EYS: variants seen among roughly 807,000 people sequenced by gnomAD.
EYS encodes protein eyes shut homolog.
Under a neutral mutation model 282.1 loss-of-function variants are expected in EYS, and 250 were observed. That is an observed-to-expected ratio of 0.89 (90% CI 0.80 to 0.98). The LOEUF (loss-of-function observed/expected upper bound fraction) is 0.98, where lower values mean the gene tolerates loss of function less well. Ranked by LOEUF, EYS falls within the 50% of genes least tolerant of loss-of-function variation. The probability of loss-of-function intolerance (pLI) is 0.00; values close to 1 mark genes in which losing one functional copy is unlikely to be tolerated. For synonymous variants in EYS, 1,355 were observed against 1,282.9 expected, an observed-to-expected ratio of 1.06 and a Z score of -1.20; for missense variants, 4,016 against 3,709.0, an observed-to-expected ratio of 1.08 and a Z score of -2.15.
intron 22 of EYS, among the ~76,000 whole-genome samples, chr6:64,728,172 C>A (rs1349937281): frequency 6.6e-6 from 1 of 152,048 alleles, no homozygotes; most frequent in African/African-American, 2.4e-5. Context: ...TTTGTGCGGA[C>A]CCTGTGGCAG....
At chr6:64,555,795 A>G (rs1307761421) in intron 26 of EYS, among the ~76,000 whole-genome samples, 1 of 151,970 alleles carries the variant, frequency 6.6e-6, no homozygotes. Flanking sequence ...TCACATGTAT[A>G]TTGAAAATAT....
At chr6:65,034,130 CT>C (rs1228406504) in intron 13 of EYS, among the ~76,000 whole-genome samples, 2 of 152,168 alleles carry the variant, frequency 1.3e-5, no homozygotes, top group Admixed American at 6.6e-5. Context: ...TGGCTAATTT[CT>C]CCCCTTTGGA....
chr6:63,837,346 A>G (rs1771835831), intron 36 of EYS, among the ~76,000 whole-genome samples: 2 of 151,958 alleles, frequency 1.3e-5, no homozygotes, highest in Non-Finnish European at 2.9e-5. Context: ...TTCTTGCTGC[A>G]TGGATAAAAT....
At chr6:63,868,233 T>C (rs1295613158) in intron 35 of EYS, among the ~76,000 whole-genome samples, 2 of 152,150 alleles carry the variant, frequency 1.3e-5, no homozygotes, top group African/African-American at 4.8e-5. Flanking sequence ...TATTTTGGAA[T>C]TGTAACTGCT....
chr6:65,410,052 A>T (rs1056247323), intron 5 of EYS, among the ~76,000 whole-genome samples: 12 of 152,038 alleles, frequency 7.9e-5, no homozygotes, highest in Non-Finnish European at 1.6e-4. Flanking sequence ...CTTTTAAATA[A>T]TCAAATATTG....
chr6:65,139,360 C>T (rs1764262929), intron 12 of EYS, among the ~76,000 whole-genome samples: 2 of 152,012 alleles, frequency 1.3e-5, no homozygotes, highest in African/African-American at 4.8e-5. Context: ...TCTGTTATTG[C>T]TTGTAAGTGG....
chr6:65,397,311 C>T (rs1766315527), intron 7 of EYS, among the ~76,000 whole-genome samples: 1 of 151,448 alleles, frequency 6.6e-6, no homozygotes, highest in Non-Finnish European at 1.5e-5. Context: ...TTTAGTGTAC[C>T]CATAACCCGA....
At position 64,981,656 on chromosome 6, in the gene EYS, A is replaced by C. The variant is rs141771663; in HGVS notation, c.2259+15926T>G. Among the ~76,000 whole-genome samples, 3 of 151,490 alleles carry C rather than the reference A, an allele frequency of 2.0e-5. No homozygotes were observed. The East Asian group carries it at 5.8e-4, about 30-fold the overall frequency. On this transcript the variant is annotated intron_variant, in intron 14 of 42. Transcript: ENST00000503581. Reference sequence around the variant, plus strand: ...GGTTGAGCCATAATTTGCATACGGGAGTCTGGTTTCAGATCCAACATCTTA... The same window carrying C: ...GGTTGAGCCATAATTTGCATACGGGCGTCTGGTTTCAGATCCAACATCTTA...
At chr6:65,542,488 T>C (rs914547221) in intron 2 of EYS, among the ~76,000 whole-genome samples, 2 of 151,698 alleles carry the variant, frequency 1.3e-5, no homozygotes, top group Non-Finnish European at 2.9e-5. Context: ...TGTGTGTGTG[T>C]GTGTGTGTGT....
chr6:63,736,662 A>C (rs1344232133), intron 41 of EYS, among the ~76,000 whole-genome samples: 1 of 152,126 alleles, frequency 6.6e-6, no homozygotes, highest in Non-Finnish European at 1.5e-5. Context: ...CATTGAATCT[A>C]TAAATTACCT....
intron 35 of EYS, among the ~76,000 whole-genome samples, chr6:63,962,526 C>T (rs1386658871): frequency 1.3e-5 from 2 of 152,134 alleles, no homozygotes; most frequent in East Asian, 1.9e-4. Flanking sequence ...TCATCACTGG[C>T]CATCGGAGAA....
chr6:65,370,188 C>T lies in EYS; in HGVS notation c.1299+14198G>A, dbSNP rs543867805. 2.7e-5 allele frequency among the ~76,000 whole-genome samples: 4 copies of T among 149,804 alleles called. No homozygotes were observed. The East Asian group carries it at 5.9e-4, about 22-fold the overall frequency. On this transcript the variant is annotated intron_variant, in intron 8 of 42. Coordinates refer to ENST00000503581, the MANE Select transcript of EYS (RefSeq NM_001142800.2). ...ATAACATACTTAGCTTACGCAATGC[C>T]TCTTCTTTCTTTCTTTCCCTCCCTC...
intron 35 of EYS, among the ~76,000 whole-genome samples, chr6:63,910,503 CATGTCTGCCAA>C (rs1773887009): frequency 6.6e-6 from 1 of 152,182 alleles, no homozygotes; most frequent in African/African-American, 2.4e-5. Flanking sequence ...TATAAGCAAA[CATGTCTGCCAA>C]ATGGCCCCTA....
intron 22 of EYS, among the ~76,000 whole-genome samples, chr6:64,718,737 C>T (rs1771477602): frequency 6.6e-6 from 1 of 152,200 alleles, no homozygotes; most frequent in Admixed American, 6.5e-5. Context: ...TAGAATCAAT[C>T]TCAGAGCTGT....
intron 1 of EYS, among the ~76,000 whole-genome samples, chr6:65,651,839 T>C (rs1767659813): frequency 6.6e-6 from 1 of 152,092 alleles, no homozygotes; most frequent in South Asian, 2.1e-4. Flanking sequence ...TTCAGTGCTA[T>C]ATTAGCAGTC....
intron 12 of EYS, among the ~76,000 whole-genome samples, chr6:65,236,839 T>C (rs1228663407): frequency 1.3e-5 from 2 of 152,188 alleles, no homozygotes; most frequent in African/African-American, 4.8e-5. Flanking sequence ...TTTTCATCTT[T>C]GCCTGATGCA....
At chr6:64,371,749 C>T (rs911265826) in intron 29 of EYS, among the ~76,000 whole-genome samples, 2 of 152,058 alleles carry the variant, frequency 1.3e-5, no homozygotes, top group Non-Finnish European at 2.9e-5. Flanking sequence ...TGAATTAGAC[C>T]TTTACCATTA....
chr6:65,112,101 C>T lies in EYS; in HGVS notation c.2024-54374G>A, dbSNP rs191282949. Among the ~76,000 whole-genome samples the T allele has an allele frequency of 1.0e-3, 158 of 152,180 alleles. 1 individual carries two copies. Among genetic ancestry groups the T allele is most frequent in the African/African-American group, 3.4e-3 (142 of 41,538 alleles). On this transcript the variant is annotated intron_variant, in intron 12 of 42. Coordinates refer to ENST00000503581, the MANE Select transcript of EYS (RefSeq NM_001142800.2). ...CTGATGACCATATTAACTTGCTTTC[C>T]ATCATAGCATGCTTTCTCTGCAGTC...
Position 63,788,225 on chromosome 6 carries a change from T to C in EYS, c.7603A>G (p.Ile2535Val), listed in dbSNP as rs1390897823. The change falls in exon 39 of 43, where the codon ATT becomes GTT. Residue 2535 changes from isoleucine (I) to valine (V), a missense_variant. Ile to Val is a conservative substitution (Grantham distance 29). Transcript: ENST00000503581. ...CCAACCAGTCTTCCTGGGGCGATAA[T>C]GGATTTATTTTTATGATCATCTACC... is the stretch of plus-strand genomic sequence containing the variant. ...LKVDDHKNKS[I>V]IAPGRLVGLN... is the part of the protein sequence containing the mutation. The C allele has an allele frequency of 2.6e-6, 4 of 1,537,706 alleles. No individual in the cohort carries two copies. The highest frequency in any genetic ancestry group is 3.5e-6 in the Non-Finnish European group (4 of 1,143,240).
Sources: allele counts gnomAD v4.1 joint callset (sites outside exome capture counted in the v4.1 genomes callset), GRCh38; gene constraint gnomAD v4.1.1; transcripts MANE v1.5; gene names NCBI Gene and HGNC (gene_info 2026-07-23, HGNC 2026-07-21).